MAGI1: variants seen among roughly 807,000 people sequenced by gnomAD.
The protein encoded by MAGI1 is membrane associated guanylate kinase, WW and PDZ domain containing 1.
Under a neutral mutation model 139.9 loss-of-function variants are expected in MAGI1, and 58 were observed. That is an observed-to-expected ratio of 0.41 (90% CI 0.34 to 0.52). The LOEUF (loss-of-function observed/expected upper bound fraction) is 0.52. Among genes scored for constraint, MAGI1 ranks in the 20% least tolerant of loss-of-function variants. MAGI1 has a pLI of 0.12. For missense variants in MAGI1, 1,874 were observed against 1,901.6 expected (o/e 0.99, Z 0.27); for synonymous variants, 812 against 737.9 (o/e 1.10, Z -1.63).
intron 1 of MAGI1, among the ~76,000 whole-genome samples, chr3:65,867,476 T>C (rs2163298): frequency 0.079 from 11,998 of 152,236 alleles, 912 homozygotes; most frequent in African/African-American, 0.2. Flanking sequence ...GGCTCACGCC[T>C]GTAATCCTAG....
chr3:65,682,594 G>A (rs374602677), intron 1 of MAGI1, among the ~76,000 whole-genome samples: 55 of 152,054 alleles, frequency 3.6e-4, no homozygotes, highest in South Asian at 6.3e-4. Flanking sequence ...AAATTTACTT[G>A]GCATGGCTCA....
chr3:65,714,775 T>C (rs2032003097), intron 1 of MAGI1, among the ~76,000 whole-genome samples: 1 of 152,094 alleles, frequency 6.6e-6, no homozygotes, highest in Non-Finnish European at 1.5e-5. Context: ...AACTCTTAAG[T>C]GCCATTATCA....
intron 1 of MAGI1, among the ~76,000 whole-genome samples, chr3:66,036,213 A>T (rs541249502): frequency 1.3e-5 from 2 of 152,340 alleles, no homozygotes; most frequent in Non-Finnish European, 2.9e-5. Context: ...ATTCAAACAT[A>T]AATAGCTAAT....
intron 2 of MAGI1, among the ~76,000 whole-genome samples, chr3:65,518,400 T>G (rs1024325451): frequency 1.3e-5 from 2 of 152,202 alleles, no homozygotes; most frequent in Non-Finnish European, 2.9e-5. Flanking sequence ...TAGCGCAGGC[T>G]AGGCACGCAG....
At chr3:65,683,657 G>GATATATATATATATAT (rs377247002) in intron 1 of MAGI1, among the ~76,000 whole-genome samples, 20 of 86,380 alleles carry the variant, frequency 2.3e-4, no homozygotes, top group Non-Finnish European at 4.6e-4. Flanking sequence ...GACTGAATAG[G>GATATATATATATATAT]ATATATATAT....
intron 12 of MAGI1, among the ~76,000 whole-genome samples, chr3:65,417,118 A>G (rs1946276759): frequency 6.6e-6 from 1 of 152,202 alleles, no homozygotes; most frequent in Admixed American, 6.5e-5. Flanking sequence ...TATCTCTTGC[A>G]ATAAAGAGAA....
At chr3:65,823,910 T>C (rs1389513346) in intron 1 of MAGI1, among the ~76,000 whole-genome samples, 2 of 152,170 alleles carry the variant, frequency 1.3e-5, no homozygotes, top group East Asian at 3.9e-4. Flanking sequence ...GACTCCAGAA[T>C]TTAAGAAACT....
intron 2 of MAGI1, among the ~76,000 whole-genome samples, chr3:65,605,159 G>A (rs573059658): frequency 3.1e-4 from 47 of 152,264 alleles, no homozygotes; most frequent in African/African-American, 1.1e-3. Context: ...TTTGCATGAC[G>A]AGACCTCACT....
chr3:65,688,617 T>C (rs1028978738), intron 1 of MAGI1: 1 of 249,194 alleles, frequency 4.0e-6, no homozygotes, highest in Admixed American at 4.6e-5. Context: ...TACAGAAGTG[T>C]CATTCCACTG....
intron 1 of MAGI1, among the ~76,000 whole-genome samples, chr3:65,740,863 C>T (rs534915467): frequency 6.6e-6 from 1 of 152,216 alleles, no homozygotes; most frequent in Admixed American, 6.5e-5. Context: ...CACACATCCA[C>T]AAACACTAGA....
chr3:65,841,249 T>C (rs2058792742), intron 1 of MAGI1, among the ~76,000 whole-genome samples: 1 of 152,086 alleles, frequency 6.6e-6, no homozygotes, highest in African/African-American at 2.4e-5. Flanking sequence ...TCACTGATTT[T>C]CTCTATTGTT....
intron 1 of MAGI1, among the ~76,000 whole-genome samples, chr3:66,028,841 G>A (rs745764345): frequency 6.6e-6 from 1 of 152,150 alleles, no homozygotes; most frequent in Admixed American, 6.5e-5. Flanking sequence ...AGAAAAAAGA[G>A]TGTTTTTTTT....
At chr3:65,944,233 C>T (rs1345238037) in intron 1 of MAGI1, among the ~76,000 whole-genome samples, 2 of 152,084 alleles carry the variant, frequency 1.3e-5, no homozygotes, top group African/African-American at 4.8e-5. Flanking sequence ...TGAAAGTGCT[C>T]AGCTAGGTGC....
chr3:65,600,641 G>A (rs934296521), intron 2 of MAGI1, among the ~76,000 whole-genome samples: 2 of 5,850 alleles, frequency 3.4e-4, no homozygotes, highest in African/African-American at 1.6e-3. Flanking sequence ...TGGGCGCCTG[G>A]CTTATAGAGC....
At chr3:65,926,515 G>A (rs2062527966) in intron 1 of MAGI1, among the ~76,000 whole-genome samples, 1 of 152,118 alleles carries the variant, frequency 6.6e-6, no homozygotes, top group Non-Finnish European at 1.5e-5. Flanking sequence ...GGATGAGACA[G>A]GAGGTCAGCA....
chr3:65,517,049 G>A (rs1342130215), intron 2 of MAGI1, among the ~76,000 whole-genome samples: 3 of 152,122 alleles, frequency 2.0e-5, no homozygotes, highest in Non-Finnish European at 4.4e-5. Context: ...CTTTAAGGGG[G>A]CTGAACTGGG....
At chr3:65,434,833 T>C (rs1198520235) in intron 10 of MAGI1, among the ~76,000 whole-genome samples, 2 of 152,112 alleles carry the variant, frequency 1.3e-5, no homozygotes, top group African/African-American at 2.4e-5. Flanking sequence ...AGTAGAAGGG[T>C]GGTAAGAATA....
chr3:65,990,516 A>T (rs2066116219), intron 1 of MAGI1, among the ~76,000 whole-genome samples: 1 of 152,214 alleles, frequency 6.6e-6, no homozygotes, highest in Admixed American at 6.5e-5. Context: ...ACATGCTTCA[A>T]GATTCATTCT....
At chr3:65,781,595 G>A (rs1159940955) in intron 1 of MAGI1, among the ~76,000 whole-genome samples, 1 of 152,130 alleles carries the variant, frequency 6.6e-6, no homozygotes, top group Non-Finnish European at 1.5e-5. Flanking sequence ...AAATTATATA[G>A]CAACTGCCGC....
Sources: allele counts gnomAD v4.1 joint callset (sites outside exome capture counted in the v4.1 genomes callset), GRCh38; gene constraint gnomAD v4.1.1; transcripts MANE v1.5; gene names NCBI Gene and HGNC (gene_info 2026-07-23, HGNC 2026-07-21).